Variants in RGMA observed in about 807,000 individuals in gnomAD.
RGMA encodes the protein repulsive guidance molecule A.
In RGMA, 10 loss-of-function variants were observed where a neutral mutation model predicts 23.2. That is an observed-to-expected ratio of 0.43 (90% CI 0.27 to 0.73). RGMA has a LOEUF of 0.73. Among genes scored for constraint, RGMA ranks in the 30% least tolerant of loss-of-function variants. RGMA has a pLI of 0.20. For missense variants in RGMA, 547 were observed against 630.5 expected (o/e 0.87, Z 1.42); for synonymous variants, 308 against 279.3 (o/e 1.10, Z -1.03).
intron 1 of RGMA, chr15:93,073,490 C>T (rs1469984903): frequency 8.1e-7 from 1 of 1,230,254 alleles, no homozygotes; most frequent in African/African-American, 1.5e-5. Context: ...CGGGGCAGGA[C>T]GCCCCCTTAA....
chr15:93,085,209 G>A (rs560928106), intron 1 of RGMA, among the ~76,000 whole-genome samples: 4 of 151,554 alleles, frequency 2.6e-5, no homozygotes, highest in South Asian at 2.1e-4. Context: ...CTGATCTTAA[G>A]AGTCCATGAA....
At chr15:93,057,796 C>T (rs766691412) in intron 2 of RGMA, among the ~76,000 whole-genome samples, 4 of 152,176 alleles carry the variant, frequency 2.6e-5, no homozygotes, top group Non-Finnish European at 4.4e-5. Context: ...GACGTGTTTT[C>T]GCCCAGGGAT....
intron 1 of RGMA, among the ~76,000 whole-genome samples, chr15:93,085,970 T>A (rs1230747386): frequency 6.6e-6 from 1 of 152,232 alleles, no homozygotes; most frequent in East Asian, 1.9e-4. Context: ...GCCCTATTCA[T>A]TGCTCCTTTA....
intron 1 of RGMA, chr15:93,073,910 C>T (rs2141842715): frequency 6.9e-7 from 1 of 1,440,652 alleles, no homozygotes; most frequent in Non-Finnish European, 9.1e-7. Flanking sequence ...TATGCCGGTC[C>T]GCGTGGCGCG....
At position 93,043,465 on chromosome 15, in the gene RGMA, A is replaced by G. The variant is rs1461412711; in HGVS notation, c.*1533T>C. 6.6e-6 allele frequency: 1 copy of G among 152,520 alleles called. No homozygotes were observed. The highest frequency in any genetic ancestry group is 2.4e-5 in the African/African-American group (1 of 41,452). The allele number at this position is 152,520 out of a possible 1,614,324, so 9.4% of individuals were successfully genotyped here. A position where few individuals can be genotyped will look rare whatever the true frequency, so the allele number is the denominator to read the frequency against. ...GCATTTAGCCATTAATAAATAATTT[A>G]CAGTATGTACACGCGGTGACACTCC... On this transcript the variant is annotated 3_prime_UTR_variant, in exon 4 of 4. Coordinates refer to ENST00000329082, the MANE Select transcript of RGMA (RefSeq NM_020211.3).
intron 3 of RGMA, among the ~76,000 whole-genome samples, chr15:93,050,318 G>A (rs2054897019): frequency 6.6e-6 from 1 of 152,200 alleles, no homozygotes. Context: ...GCGGGGGCAG[G>A]CCAAAGGTGC....
At chr15:93,072,057 G>A (rs1048147419) in intron 2 of RGMA, among the ~76,000 whole-genome samples, 1 of 152,160 alleles carries the variant, frequency 6.6e-6, no homozygotes, top group Non-Finnish European at 1.5e-5. Context: ...AAAGTTTTAT[G>A]AAACATCATA....
rs1320805524 is a variant in RGMA, at chr15:93,045,863, G to A, written c.646-158C>T. 3.3e-5 allele frequency among the ~76,000 whole-genome samples: 5 copies of A among 152,148 alleles called. No homozygotes were observed. Among genetic ancestry groups the A allele is most frequent in the South Asian group, 4.1e-4 (2 of 4,834 alleles). On this transcript the variant is annotated intron_variant, in intron 3 of 3. Coordinates refer to ENST00000329082, the MANE Select transcript of RGMA (RefSeq NM_020211.3). The surrounding 1 kb of genome is among the most constrained non-coding windows in gnomAD (Gnocchi z 6.9). ...GGTTGGACAGATCAGTTCCACCTGC[G>A]CAGCTGTGCACTTCACATTCTTTCA...
intron 1 of RGMA, among the ~76,000 whole-genome samples, chr15:93,077,367 C>T (rs1054848258): frequency 7.2e-5 from 11 of 152,156 alleles, no homozygotes; most frequent in Non-Finnish European, 1.0e-4. Flanking sequence ...TTTTAAGGAG[C>T]TCCCTTAGGC....
intron 1 of RGMA, among the ~76,000 whole-genome samples, chr15:93,080,409 C>T (rs1895539727): frequency 6.6e-6 from 1 of 152,058 alleles, no homozygotes; most frequent in African/African-American, 2.4e-5. Flanking sequence ...TTGGCACATT[C>T]ACCCAAACTT....
intron 2 of RGMA, among the ~76,000 whole-genome samples, chr15:93,053,251 G>T (rs1384522114): frequency 6.6e-6 from 1 of 152,214 alleles, no homozygotes; most frequent in African/African-American, 2.4e-5. Flanking sequence ...TAGCCAAAAT[G>T]ACCGTGCCCC....
intron 2 of RGMA, among the ~76,000 whole-genome samples, chr15:93,070,173 G>C (rs1895278057): frequency 6.6e-6 from 1 of 152,178 alleles, no homozygotes; most frequent in African/African-American, 2.4e-5. Context: ...GAACCCAGTA[G>C]GTTGGCCATC....
At chr15:93,059,916 G>A (rs1374131969) in intron 2 of RGMA, among the ~76,000 whole-genome samples, 1 of 152,236 alleles carries the variant, frequency 6.6e-6, no homozygotes, top group Non-Finnish European at 1.5e-5. Context: ...AAGAAGGAAG[G>A]AAAGTTTGAG....
intron 2 of RGMA, among the ~76,000 whole-genome samples, chr15:93,058,195 A>G (rs1460743794): frequency 6.6e-6 from 1 of 152,250 alleles, no homozygotes; most frequent in East Asian, 1.9e-4. Flanking sequence ...AGAACTGGAG[A>G]GAATTCAGGG....
chr15:93,070,867 A>G (rs1218434410), intron 2 of RGMA, among the ~76,000 whole-genome samples: 1 of 152,244 alleles, frequency 6.6e-6, no homozygotes, highest in Non-Finnish European at 1.5e-5. Flanking sequence ...GCTGTGACTT[A>G]TATAACCTAC....
At chr15:93,078,483 T>C (rs1359613424) in intron 1 of RGMA, among the ~76,000 whole-genome samples, 1 of 152,234 alleles carries the variant, frequency 6.6e-6, no homozygotes, top group Non-Finnish European at 1.5e-5. Context: ...TTTTAATTTA[T>C]CCTTCAAATT....
At position 93,036,331 on chromosome 15, in the gene RGMA, C is replaced by T. The variant is rs1242655197; in HGVS notation, c.*8667G>A. On this transcript the variant is annotated 3_prime_UTR_variant, in exon 4 of 4. Coordinates refer to ENST00000329082, the MANE Select transcript of RGMA (RefSeq NM_020211.3). ...CCAGGAAGGAAGGGAAGAAGGACTCCTCTTGTTTTATGCAACCAACACCCA... is the reference window on the plus strand; with the variant it reads ...CCAGGAAGGAAGGGAAGAAGGACTCTTCTTGTTTTATGCAACCAACACCCA... 2 of 152,298 alleles carry T rather than the reference C, an allele frequency of 1.3e-5. No individual in the cohort carries two copies. Among genetic ancestry groups the T allele is most frequent in the Non-Finnish European group, 2.9e-5 (2 of 68,074 alleles). The allele number at this position is 152,298 out of a possible 1,614,324, so 9.4% of individuals were successfully genotyped here. A position where few individuals can be genotyped will look rare whatever the true frequency, so the allele number is the denominator to read the frequency against.
intron 1 of RGMA, chr15:93,074,165 A>G (rs951355761): frequency 2.5e-6 from 1 of 393,948 alleles, no homozygotes. Flanking sequence ...AGTCAAACCA[A>G]CTCCTCCCGC....
rs374427812 is a variant in RGMA, at chr15:93,065,655, G to C, written c.130+7261C>G. On this transcript the variant is annotated intron_variant, in intron 2 of 3. Coordinates refer to ENST00000329082, the MANE Select transcript of RGMA (RefSeq NM_020211.3). ...GAGGTCTCAGGGGCTGCGGGCTGCC[G>C]GGGGCCGGGGCCTGCTGCCCTCTCT... The C allele has an allele frequency of 1.4e-5, 14 of 1,007,832 alleles. No homozygotes were observed. In the East Asian group the frequency reaches 4.3e-4, roughly 31 times the overall value. The allele number at this position is 1,007,832 out of a possible 1,614,324, so 62.4% of individuals were successfully genotyped here.
Sources: gnomAD v4.1 joint callset for allele counts (sites outside exome capture counted in the v4.1 genomes callset) on GRCh38, gnomAD v4.1.1 for gene constraint, Gnocchi (gnomAD v3.1) non-coding constraint, MANE v1.5 for transcripts, NCBI Gene and HGNC (gene_info 2026-07-23, HGNC 2026-07-21) for gene names.